The following CASP8 variants were observed in gnomAD, a reference collection of about 807,000 sequenced individuals.
CASP8 encodes the protein caspase 8, also known as caspase-8.
A neutral mutation model predicts 46.3 loss-of-function variants in CASP8; 24 were observed. The observed-to-expected ratio is 0.52, with a 90% confidence interval of 0.38 to 0.73. The LOEUF is 0.73. CASP8 is among the 30% of genes least tolerant of loss of function. The pLI, the probability that CASP8 is intolerant of heterozygous loss-of-function variation, is 0.00. For synonymous variants in CASP8, 188 were observed against 200.4 expected (o/e 0.94, Z 0.52); for missense variants, 460 against 559.0 (o/e 0.82, Z 1.79).
At chr2:201,283,048 A>C (rs1186172848) in intron 7 of CASP8, among the ~76,000 whole-genome samples, 5 of 31,444 alleles carry the variant, frequency 1.6e-4, no homozygotes, top group Non-Finnish European at 2.2e-4. Context: ...CAGGGGGCTG[A>C]CCCCCCCTCC....
intron 2 of CASP8, among the ~76,000 whole-genome samples, chr2:201,236,506 G>C (rs1288416290): frequency 6.6e-6 from 1 of 152,174 alleles, no homozygotes; most frequent in Non-Finnish European, 1.5e-5. Context: ...AGTGGTCATT[G>C]CCAGAGTGAA....
chr2:201,258,072 C>T, upstream of CASP8: 1 of 766,582 alleles, frequency 1.3e-6, no homozygotes, highest in Non-Finnish European at 2.3e-6. Flanking sequence ...AAAGTTTACC[C>T]TGCAGTTCCT....
intron 2 of CASP8, among the ~76,000 whole-genome samples, chr2:201,270,459 C>T (rs1172780373): frequency 2.6e-5 from 4 of 152,202 alleles, no homozygotes; most frequent in Non-Finnish European, 5.9e-5. Flanking sequence ...CCTGGGTCCG[C>T]TGAGCTCAAT....
chr2:201,245,840 T>C (rs1057462662), intron 2 of CASP8, among the ~76,000 whole-genome samples: 7 of 152,082 alleles, frequency 4.6e-5, no homozygotes, highest in Admixed American at 4.6e-4. Context: ...AGGCTTTTCT[T>C]TCTGTTGCTT....
At chr2:201,246,978 C>T (rs1325263377) in intron 2 of CASP8, among the ~76,000 whole-genome samples, 1 of 151,862 alleles carries the variant, frequency 6.6e-6, no homozygotes, top group African/African-American at 2.4e-5. Flanking sequence ...GGGTGGATCA[C>T]GAGATCAGGA....
chr2:201,259,542 C>G (rs114684483), upstream of CASP8, among the ~76,000 whole-genome samples: 722 of 152,208 alleles, frequency 4.7e-3, 3 homozygotes, highest in Non-Finnish European at 7.8e-3. Context: ...TCAGATACTT[C>G]GTTCAGTCTT....
intron 3 of CASP8, among the ~76,000 whole-genome samples, chr2:201,271,931 C>T (rs1948281121): frequency 1.3e-5 from 2 of 152,080 alleles, no homozygotes; most frequent in Non-Finnish European, 2.9e-5. Flanking sequence ...CTGCAGTCCC[C>T]GAAACAACCT....
At chr2:201,254,648 G>A (rs1946936603) in intron 2 of CASP8, among the ~76,000 whole-genome samples, 1 of 152,360 alleles carries the variant, frequency 6.6e-6, no homozygotes, top group East Asian at 1.9e-4. Flanking sequence ...CAAGATGAAT[G>A]GGAAGGGTGT....
At chr2:201,259,627 G>A (rs1947243979), upstream of CASP8, among the ~76,000 whole-genome samples, 1 of 152,186 alleles carries the variant, frequency 6.6e-6, no homozygotes, top group Admixed American at 6.5e-5. Flanking sequence ...TCAAAGAAGA[G>A]AGGTGTTTGA....
intron 7 of CASP8, among the ~76,000 whole-genome samples, chr2:201,283,355 C>A: frequency 1.4e-5 from 1 of 69,060 alleles, no homozygotes; most frequent in African/African-American, 5.2e-5. Flanking sequence ...GGCAGAGGCG[C>A]CCCTCACCTC....
chr2:201,246,602 G>A (rs1946531696), intron 2 of CASP8, among the ~76,000 whole-genome samples: 1 of 152,130 alleles, frequency 6.6e-6, no homozygotes, highest in African/African-American at 2.4e-5. Context: ...ACTAAGACCT[G>A]AATCGACCAC....
At chr2:201,235,690 T>A (rs1432555640) in intron 2 of CASP8, among the ~76,000 whole-genome samples, 1 of 152,182 alleles carries the variant, frequency 6.6e-6, no homozygotes, top group Admixed American at 6.5e-5. Flanking sequence ...AAGTATATAA[T>A]TTGATAAGTT....
At chr2:201,243,688 T>C (rs1313309117) in intron 2 of CASP8, among the ~76,000 whole-genome samples, 3 of 152,220 alleles carry the variant, frequency 2.0e-5, no homozygotes, top group South Asian at 4.1e-4. Context: ...CAGGAACGTG[T>C]AATATCGTTA....
intron 7 of CASP8, among the ~76,000 whole-genome samples, chr2:201,282,724 G>T (rs1306524582): frequency 1.2e-5 from 1 of 85,174 alleles, no homozygotes; most frequent in Admixed American, 9.4e-5. Context: ...CGGATGGGGC[G>T]GCTGGCCGGG....
At chr2:201,237,906 T>C (rs1295001941) in intron 2 of CASP8, among the ~76,000 whole-genome samples, 1 of 152,104 alleles carries the variant, frequency 6.6e-6, no homozygotes, top group Non-Finnish European at 1.5e-5. Context: ...AGGGGAAAAA[T>C]GGGAAGTGGC....
chr2:201,239,243 C>T (rs770289313), intron 2 of CASP8, among the ~76,000 whole-genome samples: 1 of 152,170 alleles, frequency 6.6e-6, no homozygotes, highest in East Asian at 1.9e-4. Context: ...TCCACAAAAC[C>T]GCCATTGTCA....
At position 201,283,719 on chromosome 2, in the gene CASP8, C is replaced by T. The variant is rs1195466391; in HGVS notation, c.803-1097C>T. ...CCCCCCGCCTCCCTCCCGGACGGGG[C>T]GGCTGGCCGGGCAGAGGGGCTCCTC... On this transcript the variant is annotated intron_variant, in intron 7 of 8. Transcript: ENST00000673742. Among the ~76,000 whole-genome samples the T allele has an allele frequency of 2.8e-3, 216 of 77,804 alleles. 7 individuals carry two copies. Among genetic ancestry groups the T allele is most frequent in the African/African-American group, 8.7e-3 (210 of 24,002 alleles). 51.0% of individuals were successfully genotyped at this position (77,804 alleles called of 152,430 possible).
At chr2:201,244,485 T>A (rs980676380) in intron 2 of CASP8, among the ~76,000 whole-genome samples, 3 of 152,164 alleles carry the variant, frequency 2.0e-5, no homozygotes, top group Admixed American at 1.3e-4. Context: ...CCCCAACCAC[T>A]GTGACATGGG....
intron 2 of CASP8, among the ~76,000 whole-genome samples, chr2:201,250,564 A>T (rs1397361028): frequency 6.6e-6 from 1 of 152,198 alleles, no homozygotes; most frequent in Admixed American, 6.5e-5. Context: ...AAACAACCAG[A>T]ATATCATGAG....
Sources: allele counts gnomAD v4.1 joint callset (sites outside exome capture counted in the v4.1 genomes callset), GRCh38; gene constraint gnomAD v4.1.1; transcripts MANE v1.5; gene names NCBI Gene and HGNC (gene_info 2026-07-23, HGNC 2026-07-21).